Variants in ZCCHC24 observed in about 807,000 individuals in gnomAD.
ZCCHC24 encodes zinc finger CCHC-type containing 24.
In ZCCHC24, 10 loss-of-function variants were observed where a neutral mutation model predicts 26.2. The observed-to-expected ratio is 0.38, with a 90% CI of 0.24 to 0.65. The LOEUF (loss-of-function observed/expected upper bound fraction) is 0.65, where lower values mean the gene tolerates loss of function less well. ZCCHC24 is among the 30% of genes least tolerant of loss of function. ZCCHC24 has a pLI of 0.54. For missense variants in ZCCHC24, 243 were observed against 329.1 expected (o/e 0.74, Z 2.03); for synonymous variants, 144 against 147.1 (o/e 0.98, Z 0.15).
chr10:79,437,823 T>C (rs892575572), intron 1 of ZCCHC24, among the ~76,000 whole-genome samples: 1 of 152,204 alleles, frequency 6.6e-6, no homozygotes, highest in Non-Finnish European at 1.5e-5. Flanking sequence ...CAAGAGGGAC[T>C]TCTTCTCTTT....
chr10:79,439,927 T>C (rs1857268736), intron 1 of ZCCHC24, among the ~76,000 whole-genome samples: 1 of 152,112 alleles, frequency 6.6e-6, no homozygotes, highest in Non-Finnish European at 1.5e-5. Context: ...TCCATTTGTG[T>C]CATAAAGAAG....
chr10:79,431,432 T>C (rs1857126118), intron 2 of ZCCHC24, among the ~76,000 whole-genome samples: 3 of 152,168 alleles, frequency 2.0e-5, no homozygotes, highest in Admixed American at 2.0e-4. Flanking sequence ...TCCCACTATG[T>C]ATGCAGAGTC....
chr10:79,398,201 T>C (rs1309466422), intron 2 of ZCCHC24, among the ~76,000 whole-genome samples: 1 of 152,194 alleles, frequency 6.6e-6, no homozygotes, highest in Non-Finnish European at 1.5e-5. Context: ...GCATGGGATG[T>C]GGCTCCAATT....
intron 1 of ZCCHC24, among the ~76,000 whole-genome samples, chr10:79,440,072 G>A (rs1857271214): frequency 6.6e-6 from 1 of 151,930 alleles, no homozygotes; most frequent in African/African-American, 2.4e-5. Context: ...GGCCAGAGGA[G>A]GGCTGAATAA....
In ZCCHC24 at chr10:79,432,868, G is replaced by A. The variant is rs1857154390; in HGVS notation, c.247-110C>T. On this transcript the variant is annotated intron_variant, in intron 1 of 3. Transcript: ENST00000372336. ...ACACTGAGTCTTCAGCTACCCGAGG[G>A]CTCTGGGCTCCAGAAGCCTGAGTTC... 8 of 1,220,410 alleles carry A rather than the reference G, an allele frequency of 6.6e-6. No individual in the cohort carries two copies. In the South Asian group the frequency reaches 1.2e-4, roughly 18 times the overall value. 75.6% of individuals were successfully genotyped at this position (1,220,410 alleles called of 1,614,324 possible).
At chr10:79,392,601 A>T (rs1589659401) in intron 3 of ZCCHC24, among the ~76,000 whole-genome samples, 2 of 151,916 alleles carry the variant, frequency 1.3e-5, no homozygotes, top group Non-Finnish European at 2.9e-5. Flanking sequence ...TCTCCACAAC[A>T]CCCAGCCCAA....
rs1324980167 is a variant in ZCCHC24, at chr10:79,383,080, G to A, written c.*3265C>T. The A allele has an allele frequency of 6.5e-6, 1 of 152,762 alleles. No homozygotes were observed. The allele number at this position is 152,762 out of a possible 1,614,324, so 9.5% of individuals were successfully genotyped here. On this transcript the variant is annotated 3_prime_UTR_variant, in exon 4 of 4. Transcript: ENST00000372336. Reference sequence around the variant, plus strand: ...TACAATGCTGTTTGTTATCCTCAGTGGAAGAGGCACAAAGGGGTCACCATT... The same window carrying A: ...TACAATGCTGTTTGTTATCCTCAGTAGAAGAGGCACAAAGGGGTCACCATT...
chr10:79,409,759 C>T (rs1856766209), intron 2 of ZCCHC24, among the ~76,000 whole-genome samples: 1 of 152,218 alleles, frequency 6.6e-6, no homozygotes, highest in Non-Finnish European at 1.5e-5. Flanking sequence ...GGGCCTCTGT[C>T]CCTCCCTGAG....
At chr10:79,394,655 G>C (rs1011941632) in intron 2 of ZCCHC24, 21 of 984,688 alleles carry the variant, frequency 2.1e-5, no homozygotes, top group African/African-American at 3.5e-5. Flanking sequence ...CAGAGGAGAT[G>C]GTGAAAAAAC....
chr10:79,397,231 C>A (rs1856558654), intron 2 of ZCCHC24, among the ~76,000 whole-genome samples: 1 of 152,238 alleles, frequency 6.6e-6, no homozygotes, highest in South Asian at 2.1e-4. Flanking sequence ...CAGTGGCCTT[C>A]CTGGCAGCTG....
At chr10:79,442,617 C>G (rs1369581010) in intron 1 of ZCCHC24, among the ~76,000 whole-genome samples, 1 of 152,244 alleles carries the variant, frequency 6.6e-6, no homozygotes. Flanking sequence ...GGCACTGCCA[C>G]TGGGCCTGCC....
At chr10:79,444,305 TG>T in intron 1 of ZCCHC24, 2 of 1,374,204 alleles carry the variant, frequency 1.5e-6, no homozygotes, top group Non-Finnish European at 1.9e-6. Context: ...GGGCAGGCCC[TG>T]GAGACTCTTC....
At chr10:79,388,662 T>G (rs1263177135) in intron 3 of ZCCHC24, among the ~76,000 whole-genome samples, 1 of 152,138 alleles carries the variant, frequency 6.6e-6, no homozygotes, top group Non-Finnish European at 1.5e-5. Flanking sequence ...GGACCCAGTC[T>G]TCCAGGACAG....
chr10:79,425,105 T>C (rs1857008058), intron 2 of ZCCHC24, among the ~76,000 whole-genome samples: 1 of 152,168 alleles, frequency 6.6e-6, no homozygotes, highest in Non-Finnish European at 1.5e-5. Flanking sequence ...TGGGCACAGA[T>C]GTGGCACTGC....
intron 2 of ZCCHC24, among the ~76,000 whole-genome samples, chr10:79,425,236 G>A (rs185642994): frequency 5.7e-4 from 87 of 152,292 alleles, no homozygotes; most frequent in Non-Finnish European, 9.7e-4. Flanking sequence ...GATACCAGGC[G>A]ACCCTGCAGG....
chr10:79,388,697 C>T (rs954093850), intron 3 of ZCCHC24, among the ~76,000 whole-genome samples: 1 of 152,222 alleles, frequency 6.6e-6, no homozygotes, highest in Admixed American at 6.5e-5. Context: ...ACTCAGCAGG[C>T]CCCACACAAC....
intron 2 of ZCCHC24, among the ~76,000 whole-genome samples, chr10:79,432,355 G>A (rs754192629): frequency 5.9e-5 from 9 of 152,232 alleles, no homozygotes; most frequent in Non-Finnish European, 1.0e-4. Flanking sequence ...GTGGGCCCAA[G>A]ATGGGCCTCT....
chr10:79,406,318 A>G (rs1856712132), intron 2 of ZCCHC24, among the ~76,000 whole-genome samples: 1 of 152,160 alleles, frequency 6.6e-6, no homozygotes. Flanking sequence ...ATGGACAGGT[A>G]CAAAGGACAC....
At chr10:79,432,907 T>C (rs1040570168) in intron 1 of ZCCHC24, 149 bp from the exon 2 acceptor site, 7 of 849,304 alleles carry the variant, frequency 8.2e-6, no homozygotes, top group Non-Finnish European at 1.2e-5. Flanking sequence ...TCCTAACTAG[T>C]GTGTCTCCAT....
Sources: allele counts gnomAD v4.1 joint callset (sites outside exome capture counted in the v4.1 genomes callset), GRCh38; gene constraint gnomAD v4.1.1; transcripts MANE v1.5; gene names NCBI Gene and HGNC (gene_info 2026-07-23, HGNC 2026-07-21).